The following GALNT13 variants were observed in gnomAD, a reference collection of about 807,000 sequenced individuals.
GALNT13 encodes the protein UDP-GalNAc:polypeptide N-acetylgalactosaminyltransferase 13.
A neutral mutation model predicts 64.2 loss-of-function variants in GALNT13; 28 were observed. The ratio of observed to expected loss-of-function variants is 0.44; its 90% CI spans 0.32 to 0.60. The LOEUF (loss-of-function observed/expected upper bound fraction) is 0.60. Ranked by LOEUF, GALNT13 falls within the 20% of genes least tolerant of loss-of-function variation. The pLI is 0.05. For missense variants in GALNT13, 577 were observed against 669.8 expected, an observed-to-expected ratio of 0.86 and a Z score of 1.53; for synonymous variants, 214 against 224.6, an observed-to-expected ratio of 0.95 and a Z score of 0.42.
Position 154,019,403 on chromosome 2 carries a change from G to C in GALNT13, c.142+74764G>C, listed in dbSNP as rs1038856295. On this transcript the variant is annotated intron_variant, in intron 3 of 12. Transcript: ENST00000392825. ...TAATCCCAGCACTTTGGGAGGCCAA[G>C]GCAGGTGAATCATGAGGTCAAGAGA... 2.6e-5 allele frequency among the ~76,000 whole-genome samples: 4 copies of C among 152,092 alleles called. No individual in the cohort carries two copies. In the East Asian group the frequency reaches 7.7e-4, roughly 29 times the overall value.
chr2:153,873,503 T>A (rs1686138274), intron 1 of GALNT13, among the ~76,000 whole-genome samples: 1 of 152,318 alleles, frequency 6.6e-6, no homozygotes, highest in Admixed American at 6.5e-5. Flanking sequence ...CAGGCAAACA[T>A]AGATGCTTTG....
chr2:153,156,023 T>G, the GALNT13 span, among the ~76,000 whole-genome samples: 1 of 152,304 alleles, frequency 6.6e-6, no homozygotes, highest in Non-Finnish European at 1.5e-5. Flanking sequence ...GCTATTCAAT[T>G]TCCATGTAAT....
At chr2:153,869,033 T>C (rs1373634529), upstream of GALNT13, among the ~76,000 whole-genome samples, 5 of 152,210 alleles carry the variant, frequency 3.3e-5, no homozygotes, top group Non-Finnish European at 7.4e-5. Flanking sequence ...AATTAACACA[T>C]ACCCCTCACC....
the GALNT13 span, among the ~76,000 whole-genome samples, chr2:153,386,953 A>G: frequency 6.6e-6 from 1 of 152,114 alleles, no homozygotes; most frequent in Non-Finnish European, 1.5e-5. Flanking sequence ...TTGTAGTGCT[A>G]CTAAACTTTT....
chr2:154,064,215 C>T (rs1321676170), intron 3 of GALNT13, among the ~76,000 whole-genome samples: 1 of 152,150 alleles, frequency 6.6e-6, no homozygotes, highest in Non-Finnish European at 1.5e-5. Flanking sequence ...AATCATCCAT[C>T]CCAGTGGTTG....
At chr2:154,051,543 G>A (rs1699620059) in intron 3 of GALNT13, among the ~76,000 whole-genome samples, 1 of 151,802 alleles carries the variant, frequency 6.6e-6, no homozygotes, top group African/African-American at 2.4e-5. Context: ...ACCCGCCTCG[G>A]CCTCCCAAAG....
chr2:154,429,877 C>T (rs1304259119), intron 11 of GALNT13, among the ~76,000 whole-genome samples: 2 of 152,182 alleles, frequency 1.3e-5, no homozygotes, highest in African/African-American at 4.8e-5. Context: ...TATGCTGAAT[C>T]TACTCTGCCT....
chr2:154,169,330 T>C (rs1014743794), intron 4 of GALNT13, among the ~76,000 whole-genome samples: 3 of 152,154 alleles, frequency 2.0e-5, no homozygotes, highest in African/African-American at 7.2e-5. Flanking sequence ...ATTTGGGAAA[T>C]AGGCTCTGAG....
chr2:153,731,072 ATG>A, the GALNT13 span, among the ~76,000 whole-genome samples: 41 of 150,974 alleles, frequency 2.7e-4, no homozygotes, highest in East Asian at 1.9e-3. Flanking sequence ...ATATATATAT[ATG>A]TGTGTGTGTG....
intron 8 of GALNT13, among the ~76,000 whole-genome samples, chr2:154,292,052 C>T (rs79350794): frequency 0.02 from 2,999 of 152,170 alleles, 68 homozygotes; most frequent in African/African-American, 0.06. Context: ...GAGATTTTTC[C>T]TCTCAATTGT....
chr2:153,946,678 C>T (rs1424526266), intron 3 of GALNT13, among the ~76,000 whole-genome samples: 5 of 145,778 alleles, frequency 3.4e-5, no homozygotes, highest in Admixed American at 6.8e-5. Flanking sequence ...GTTCCACCTT[C>T]ATGACTTAAT....
At chr2:153,763,934 G>A in the GALNT13 span, among the ~76,000 whole-genome samples, 8 of 152,098 alleles carry the variant, frequency 5.3e-5, 1 homozygote, top group Admixed American at 2.0e-4. Context: ...ATATGTGAAA[G>A]TTTGGAACTT....
chr2:153,478,335 G>A, the GALNT13 span: 1 of 1,614,184 alleles, frequency 6.2e-7, no homozygotes, highest in Non-Finnish European at 8.5e-7. Flanking sequence ...GCAGATTGCA[G>A]CCGAGGAAGA....
At chr2:153,268,030 G>A in the GALNT13 span, among the ~76,000 whole-genome samples, 1 of 152,010 alleles carries the variant, frequency 6.6e-6, no homozygotes, top group Non-Finnish European at 1.5e-5. Flanking sequence ...TCCACTGCTG[G>A]CCCTTCCCAA....
chr2:154,125,578 A>G (rs984416052), intron 3 of GALNT13, among the ~76,000 whole-genome samples: 2 of 152,210 alleles, frequency 1.3e-5, no homozygotes, highest in African/African-American at 4.8e-5. Flanking sequence ...GATAATCTGC[A>G]TGTACAAAAA....
At chr2:153,449,744 T>A in the GALNT13 span, 1 of 154,082 alleles carries the variant, frequency 6.5e-6, no homozygotes, top group African/African-American at 2.4e-5. Context: ...CTCTATGCTT[T>A]CAAATAGTGC....
chr2:153,512,785 A>G, the GALNT13 span, among the ~76,000 whole-genome samples: 4 of 152,182 alleles, frequency 2.6e-5, no homozygotes, highest in African/African-American at 4.8e-5. Flanking sequence ...TGTTGTTATT[A>G]TTATTACTCA....
chr2:154,152,743 T>G (rs182341585), intron 4 of GALNT13, among the ~76,000 whole-genome samples: 113 of 152,368 alleles, frequency 7.4e-4, no homozygotes, highest in African/African-American at 2.5e-3. Context: ...CACTTCTGCA[T>G]TCTTCATGTA....
the GALNT13 span, among the ~76,000 whole-genome samples, chr2:153,715,323 T>G: frequency 6.6e-6 from 1 of 152,238 alleles, no homozygotes; most frequent in Non-Finnish European, 1.5e-5. Context: ...ACAAACTGTC[T>G]TCAGAAATAC....
Sources: gnomAD v4.1 joint callset for allele counts (sites outside exome capture counted in the v4.1 genomes callset) on GRCh38, gnomAD v4.1.1 for gene constraint, MANE v1.5 for transcripts, NCBI Gene and HGNC (gene_info 2026-07-23, HGNC 2026-07-21) for gene names.